Variants in RB1 observed in about 807,000 individuals in gnomAD.
The protein encoded by RB1 is RB transcriptional corepressor 1, also known as retinoblastoma-associated protein.
A neutral mutation model predicts 135.4 loss-of-function variants in RB1; 18 were observed. That is an observed-to-expected ratio of 0.13 (90% CI 0.09 to 0.20). RB1 has a LOEUF of 0.20. RB1 is among the 10% of genes least tolerant of loss of function. The pLI, the probability that RB1 is intolerant of heterozygous loss-of-function variation, is 1.00. For missense variants in RB1, 868 were observed against 1,110.0 expected (o/e 0.78, Z 3.10); for synonymous variants, 365 against 373.2 (o/e 0.98, Z 0.25).
intron 14 of RB1, 87 bp from the exon 15 acceptor site, chr13:48,379,957 TAAAAAAAAA>T: frequency 2.7e-6 from 1 of 368,680 alleles, no homozygotes; most frequent in Non-Finnish European, 3.7e-6. Flanking sequence ...AGACACCATC[TAAAAAAAAA>T]AAAAAAAAAA....
At chr13:48,361,300 G>T (rs1190511029) in intron 7 of RB1, among the ~76,000 whole-genome samples, 2 of 152,040 alleles carry the variant, frequency 1.3e-5, no homozygotes, top group South Asian at 2.1e-4. Context: ...TCAGCATGGG[G>T]TATTATTGAA....
chr13:48,395,538 A>T (rs972459097), intron 17 of RB1, among the ~76,000 whole-genome samples: 5 of 152,088 alleles, frequency 3.3e-5, no homozygotes, highest in Non-Finnish European at 7.4e-5. Context: ...AACATAAATG[A>T]CCTGACGGAA....
rs200290519 is a variant in RB1, at chr13:48,396,724, G to A, written c.1695+15281G>A. Among the ~76,000 whole-genome samples the A allele has an allele frequency of 7.2e-5, 11 of 152,270 alleles. No homozygotes were observed. The East Asian group carries it at 2.1e-3, about 29-fold the overall frequency. On this transcript the variant is annotated intron_variant, in intron 17 of 26. Transcript: ENST00000267163. ...AGTGAACAGGCAACCTACAGAATGG[G>A]AGAAAATTTTTGCAATGTATCCATC... is the stretch of plus-strand genomic sequence containing the variant.
At position 48,328,336 on chromosome 13, in the gene RB1, T is replaced by A; in HGVS notation, c.265-14263T>A. The stretch of plus-strand genomic sequence containing the variant: ...AGAGTTGGAACAGTTTCTTTAGGCT[T>A]ACTTGATCCAAGTTTGATGGATATG... On this transcript the variant is annotated intron_variant, in intron 2 of 26. Transcript: ENST00000267163. The A allele has an allele frequency of 2.5e-6, 4 of 1,577,368 alleles. No homozygotes were observed. In the Admixed American group the frequency reaches 6.7e-5, roughly 26 times the overall value.
chr13:48,311,487 T>G (rs1008659016), intron 2 of RB1, among the ~76,000 whole-genome samples: 3 of 152,216 alleles, frequency 2.0e-5, no homozygotes, highest in Non-Finnish European at 4.4e-5. Context: ...TTGCTCCTAG[T>G]CTGCAAATGT....
chr13:48,311,898 G>T (rs931778094), intron 2 of RB1, among the ~76,000 whole-genome samples: 1 of 152,210 alleles, frequency 6.6e-6, no homozygotes, highest in East Asian at 1.9e-4. Context: ...TAGAGACGGG[G>T]TTTCACCGTG....
intron 2 of RB1, among the ~76,000 whole-genome samples, chr13:48,312,468 C>T (rs930303644): frequency 2.0e-5 from 3 of 152,086 alleles, no homozygotes; most frequent in Non-Finnish European, 4.4e-5. Flanking sequence ...CTGGCTTGTT[C>T]TTGTTGTGAG....
chr13:48,381,168 T>C (rs2138144506), intron 16 of RB1, 79 bp from the exon 17 acceptor site: 1 of 1,498,406 alleles, frequency 6.7e-7, no homozygotes, highest in Non-Finnish European at 8.9e-7. Context: ...GTTTTCTTTG[T>C]CTGATAATAA....
chr13:48,337,787 C>T (rs186972034), intron 2 of RB1, among the ~76,000 whole-genome samples: 196 of 152,294 alleles, frequency 1.3e-3, no homozygotes, highest in Non-Finnish European at 6.5e-4. Context: ...ATGGTCTTTA[C>T]AATTTGGCAT....
intron 17 of RB1, among the ~76,000 whole-genome samples, chr13:48,431,514 A>T (rs1949129399): frequency 6.6e-6 from 1 of 152,212 alleles, no homozygotes; most frequent in Admixed American, 6.5e-5. Context: ...TATTGGTATG[A>T]TTCTAAGCCA....
Position 48,364,953 on chromosome 13 carries a change from A to C in RB1, c.921A>C (p.Thr307=). Residue 307 remains threonine (T), a synonymous_variant, in exon 9 of 27, where the codon ACA becomes ACC. Transcript: ENST00000267163. ...IPFMNSLGLV[T]SNGLPEVENL... is the part of the protein sequence containing the mutation. ...TTATGAATTCTCTTGGACTTGTAAC[A>C]TCTAATGGACTTCCAGAGGTAATCT... 2 of 1,572,316 alleles carry C rather than the reference A, an allele frequency of 1.3e-6. No individual in the cohort carries two copies. Among genetic ancestry groups the C allele is most frequent in the Non-Finnish European group, 1.7e-6 (2 of 1,154,716 alleles).
intron 17 of RB1, among the ~76,000 whole-genome samples, chr13:48,442,592 G>A (rs1949249072): frequency 6.6e-6 from 1 of 152,094 alleles, no homozygotes; most frequent in Admixed American, 6.5e-5. Flanking sequence ...TAGAAAGGAG[G>A]AAGACCCTCA....
Position 48,465,234 on chromosome 13 carries a change from T to C in RB1, c.2355T>C (p.Ile785=). The C allele has an allele frequency of 1.2e-6, 2 of 1,614,014 alleles. No homozygotes were observed. The stretch of plus-strand genomic sequence containing the variant: ...CTACCTTGTCACCAATACCTCACAT[T>C]CCTCGAAGCCCTTACAAGTTTCCTA... The part of the protein sequence containing the change: ...RPPTLSPIPH[I]PRSPYKFPSS... Residue 785 remains isoleucine (I), a synonymous_variant, in exon 23 of 27, where the codon ATT becomes ATC. Coordinates refer to ENST00000267163, the MANE Select transcript of RB1 (RefSeq NM_000321.3).
intron 10 of RB1, among the ~76,000 whole-genome samples, chr13:48,367,989 A>G (rs949311358): frequency 9.9e-5 from 15 of 152,102 alleles, no homozygotes; most frequent in Non-Finnish European, 1.9e-4. Flanking sequence ...CTCTGTTATT[A>G]TCATGTAGAA....
intron 17 of RB1, among the ~76,000 whole-genome samples, chr13:48,446,893 T>C (rs1161104833): frequency 6.6e-6 from 1 of 152,170 alleles, no homozygotes; most frequent in Admixed American, 6.5e-5. Context: ...CAGGAAGCTC[T>C]TGCAGGGTTT....
intron 6 of RB1, among the ~76,000 whole-genome samples, chr13:48,349,498 G>T (rs763420997): frequency 6.6e-6 from 1 of 151,802 alleles, no homozygotes; most frequent in East Asian, 1.9e-4. Context: ...GATAGTATTT[G>T]CAAGCCTCAT....
chr13:48,309,872 A>G (rs1593415996), intron 2 of RB1, among the ~76,000 whole-genome samples: 1 of 152,142 alleles, frequency 6.6e-6, no homozygotes. Flanking sequence ...ATATAAGCAA[A>G]TGTTACTGCT....
intron 16 of RB1, 70 bp downstream of exon 16, chr13:48,380,311 C>T (rs571772787): frequency 2.8e-4 from 322 of 1,155,612 alleles, no homozygotes; most frequent in Admixed American, 4.6e-4. Flanking sequence ...TTTCTTTGGT[C>T]GGGGGAGAGG....
chr13:48,308,615 T>G (rs912069915), intron 2 of RB1, among the ~76,000 whole-genome samples: 1 of 151,166 alleles, frequency 6.6e-6, no homozygotes, highest in Non-Finnish European at 1.5e-5. Context: ...ATCATGCCAC[T>G]GCACTCCAGA....
Sources: allele counts gnomAD v4.1 joint callset (sites outside exome capture counted in the v4.1 genomes callset), GRCh38; gene constraint gnomAD v4.1.1; transcripts MANE v1.5; gene names NCBI Gene and HGNC (gene_info 2026-07-23, HGNC 2026-07-21).